GTF2A1: variants seen among roughly 807,000 people sequenced by gnomAD.
The protein encoded by GTF2A1 is transcription initiation factor IIA subunit 1.
Under a neutral mutation model 54.1 loss-of-function variants are expected in GTF2A1, and 12 were observed. The ratio of observed to expected loss-of-function variants is 0.22; its 90% CI spans 0.14 to 0.36. The LOEUF is 0.36. Ranked by LOEUF, GTF2A1 falls within the 10% of genes least tolerant of loss-of-function variation. The pLI is 1.00. For synonymous variants in GTF2A1, 145 were observed against 152.0 expected, an observed-to-expected ratio of 0.95 and a Z score of 0.34; for missense variants, 335 against 442.2, an observed-to-expected ratio of 0.76 and a Z score of 2.17.
chr14:81,196,802 C>A (rs189660122), intron 5 of GTF2A1, among the ~76,000 whole-genome samples: 62 of 152,192 alleles, frequency 4.1e-4, no homozygotes, highest in Non-Finnish European at 7.2e-4. Flanking sequence ...GATTAAAAAG[C>A]AAATTACATC....
At chr14:81,206,286 T>A (rs1251199834) in intron 2 of GTF2A1, among the ~76,000 whole-genome samples, 2 of 152,164 alleles carry the variant, frequency 1.3e-5, no homozygotes, top group Non-Finnish European at 2.9e-5. Flanking sequence ...ACCATTATTG[T>A]CTATTCTGAT....
intron 1 of GTF2A1, among the ~76,000 whole-genome samples, chr14:81,219,520 A>G (rs1893563505): frequency 1.3e-5 from 2 of 152,350 alleles, no homozygotes; most frequent in South Asian, 4.1e-4. Flanking sequence ...CAGGGACTGA[A>G]AAGCAGGGTA....
At chr14:81,195,644 A>AAG (rs1555389597) in intron 6 of GTF2A1, among the ~76,000 whole-genome samples, 1 of 151,266 alleles carries the variant, frequency 6.6e-6, no homozygotes, top group Non-Finnish European at 1.5e-5. Flanking sequence ...AAAAAAAAAA[A>AAG]AAAAGAAAAG....
intron 2 of GTF2A1, among the ~76,000 whole-genome samples, chr14:81,211,306 G>A (rs1893359070): frequency 6.6e-6 from 1 of 152,098 alleles, no homozygotes; most frequent in South Asian, 2.1e-4. Context: ...CTAGACTGCT[G>A]CTATCAGAGC....
intron 2 of GTF2A1, among the ~76,000 whole-genome samples, chr14:81,208,651 G>C (rs896665325): frequency 1.3e-5 from 2 of 152,194 alleles, no homozygotes; most frequent in Non-Finnish European, 2.9e-5. Context: ...AGTGCAGCTG[G>C]AAGCAACCCA....
At chr14:81,206,548 A>AAAT (rs1356854236) in intron 2 of GTF2A1, among the ~76,000 whole-genome samples, 1 of 152,232 alleles carries the variant, frequency 6.6e-6, no homozygotes, top group Admixed American at 6.5e-5. Context: ...TATCCTCTAT[A>AAAT]AATCAGTGAT....
chr14:81,209,581 A>AT (rs1393216491), intron 2 of GTF2A1, among the ~76,000 whole-genome samples: 4 of 152,178 alleles, frequency 2.6e-5, no homozygotes, highest in South Asian at 2.1e-4. Context: ...AAAAATCTGC[A>AT]TTTTAACTAG....
chr14:81,202,527 G>A (rs867395589), intron 3 of GTF2A1, among the ~76,000 whole-genome samples: 4 of 152,094 alleles, frequency 2.6e-5, no homozygotes, highest in Admixed American at 6.5e-5. Flanking sequence ...CAGGAGTTCT[G>A]GGCTGTATGT....
chr14:81,195,992 G>A (rs1349678710), intron 6 of GTF2A1, 116 bp downstream of exon 6: 2 of 828,818 alleles, frequency 2.4e-6, no homozygotes, highest in Non-Finnish European at 3.9e-6. Context: ...TGAAACAACT[G>A]GGTCTGTAGC....
At chr14:81,194,976 T>C (rs1390638116) in intron 6 of GTF2A1, among the ~76,000 whole-genome samples, 1 of 151,674 alleles carries the variant, frequency 6.6e-6, no homozygotes, top group African/African-American at 2.4e-5. Context: ...TCTGTCTCTA[T>C]TAAAAATACA....
intron 6 of GTF2A1, 105 bp downstream of exon 6, chr14:81,196,003 A>G (rs984842179): frequency 1.0e-5 from 10 of 952,922 alleles, no homozygotes; most frequent in African/African-American, 4.9e-5. Flanking sequence ...GGTCTGTAGC[A>G]CTGAAAAAGA....
chr14:81,211,875 TTATATATATATATA>T lies in GTF2A1; in HGVS notation c.132+4524_132+4537del, dbSNP rs757044041. 1.1e-3 allele frequency among the ~76,000 whole-genome samples: 77 copies of T among 68,494 alleles called. 3 individuals are homozygous for T. The highest frequency in any genetic ancestry group is 1.3e-3 in the East Asian group (4 of 3,166). The allele number at this position is 68,494 out of a possible 152,430, so 44.9% of individuals were successfully genotyped here. On this transcript the variant is annotated intron_variant, in intron 2 of 8. Coordinates refer to ENST00000553612, the MANE Select transcript of GTF2A1 (RefSeq NM_015859.4). ...ACATAATTAGAGTGTATCAAGTACTTTATATATATATATATATATATATATATATATATAACTAG... is the reference window on the plus strand; with the variant it reads ...ACATAATTAGAGTGTATCAAGTACTTTATATATATATATATATATAACTAG...
intron 4 of GTF2A1, among the ~76,000 whole-genome samples, chr14:81,199,937 T>C (rs1005413674): frequency 5.8e-5 from 6 of 104,152 alleles, no homozygotes; most frequent in African/African-American, 2.3e-4. Context: ...AAGCAACATA[T>C]AGTGAGACTT....
intron 2 of GTF2A1, among the ~76,000 whole-genome samples, chr14:81,212,200 ATT>A (rs1893386784): frequency 6.6e-6 from 1 of 152,106 alleles, no homozygotes; most frequent in Non-Finnish European, 1.5e-5. Flanking sequence ...CATTTGTTTT[ATT>A]AAAAAGAGAG....
At chr14:81,209,839 T>C (rs1312439671) in intron 2 of GTF2A1, 3 of 919,090 alleles carry the variant, frequency 3.3e-6, no homozygotes, top group Non-Finnish European at 4.6e-6. Context: ...ACTGCCTCCA[T>C]GCATAAAAGA....
chr14:81,200,293 T>C (rs1893076240), intron 4 of GTF2A1, among the ~76,000 whole-genome samples: 1 of 152,086 alleles, frequency 6.6e-6, no homozygotes, highest in Admixed American at 6.5e-5. Context: ...ACTCACAAAG[T>C]AGAACTCATC....
intron 2 of GTF2A1, among the ~76,000 whole-genome samples, chr14:81,210,815 A>G (rs540515845): frequency 6.6e-6 from 1 of 152,146 alleles, no homozygotes; most frequent in Non-Finnish European, 1.5e-5. Flanking sequence ...TCGGCCTCCC[A>G]AAGTGCTGGA....
chr14:81,184,555 G>A (rs141546281), intron 8 of GTF2A1, among the ~76,000 whole-genome samples: 41 of 152,194 alleles, frequency 2.7e-4, no homozygotes, highest in Middle Eastern at 6.8e-3. Flanking sequence ...TAGTAAATAA[G>A]ATCCATAGTG....
intron 4 of GTF2A1, among the ~76,000 whole-genome samples, chr14:81,201,350 G>A (rs1566857270): frequency 7.2e-5 from 11 of 152,068 alleles, no homozygotes. Flanking sequence ...GAAATAGTAG[G>A]GAATGGAATA....
Sources: allele counts gnomAD v4.1 joint callset (sites outside exome capture counted in the v4.1 genomes callset), GRCh38; gene constraint gnomAD v4.1.1; transcripts MANE v1.5; gene names NCBI Gene and HGNC (gene_info 2026-07-23, HGNC 2026-07-21).